Variants in TBC1D22A observed in about 807,000 individuals in gnomAD.
TBC1D22A encodes TBC1 domain family member 22A.
A neutral mutation model predicts 60.2 loss-of-function variants in TBC1D22A; 38 were observed. The ratio of observed to expected loss-of-function variants is 0.63; its 90% confidence interval spans 0.49 to 0.83. TBC1D22A has a LOEUF of 0.83. Ranked by LOEUF, TBC1D22A falls within the 40% of genes least tolerant of loss-of-function variation. The pLI, the probability that TBC1D22A is intolerant of heterozygous loss-of-function variation, is 0.00. For missense variants in TBC1D22A, 628 were observed against 701.0 expected, an observed-to-expected ratio of 0.90 and a Z score of 1.18; for synonymous variants, 302 against 281.7, an observed-to-expected ratio of 1.07 and a Z score of -0.72.
At chr22:46,921,155 A>AT (rs2070734595) in intron 8 of TBC1D22A, among the ~76,000 whole-genome samples, 1 of 152,140 alleles carries the variant, frequency 6.6e-6, no homozygotes, top group South Asian at 2.1e-4. Context: ...TGTGAGTCAC[A>AT]GGGGTTTGGT....
rs545427538 is a variant in TBC1D22A, at chr22:47,132,587, C to A, written c.1425+20984C>A. The stretch of plus-strand genomic sequence containing the variant: ...GACCCCACAGGACATGAGCTGCCTC[C>A]TTGCCTGGGTCCTGCTTCTCCCCAG... On this transcript the variant is annotated intron_variant, in intron 12 of 12. Coordinates refer to ENST00000337137, the MANE Select transcript of TBC1D22A (RefSeq NM_014346.5). 1.5e-3 allele frequency among the ~76,000 whole-genome samples: 224 copies of A among 152,346 alleles called. 1 individual carries two copies. The highest frequency in any genetic ancestry group is 5.1e-3 in the African/African-American group (212 of 41,578).
At chr22:47,029,825 C>T (rs527350221) in intron 10 of TBC1D22A, among the ~76,000 whole-genome samples, 7 of 152,386 alleles carry the variant, frequency 4.6e-5, no homozygotes, top group East Asian at 1.9e-4. Context: ...CCTTGGTGAG[C>T]GGCCACAGTG....
chr22:47,157,845 C>T (rs1218723871), intron 12 of TBC1D22A, among the ~76,000 whole-genome samples: 1 of 152,160 alleles, frequency 6.6e-6, no homozygotes, highest in Non-Finnish European at 1.5e-5. Flanking sequence ...ACAAGTCACC[C>T]ACCCCCCAAG....
rs111546411 is a variant in TBC1D22A at position 46,826,116 on chromosome 22, C to T, written c.637+28496C>T. On this transcript the variant is annotated intron_variant, in intron 4 of 12. Transcript: ENST00000337137. ...CATGATGGTCTCGATCTCCTGACCT[C>T]GTGATCCGCCCACCTTGGCCTCCCA... Among the ~76,000 whole-genome samples the T allele has an allele frequency of 1.7e-4, 26 of 152,046 alleles. 1 individual carries two copies. In the East Asian group the frequency reaches 2.7e-3, roughly 16 times the overall value.
intron 7 of TBC1D22A, among the ~76,000 whole-genome samples, chr22:46,904,127 CT>C (rs2069231624): frequency 1.0e-5 from 1 of 100,408 alleles, no homozygotes; most frequent in South Asian, 3.8e-4. Context: ...ATCTATCTAT[CT>C]ATCTATCTAT....
intron 11 of TBC1D22A, among the ~76,000 whole-genome samples, chr22:47,100,803 A>G (rs989832145): frequency 6.6e-6 from 1 of 152,176 alleles, no homozygotes; most frequent in Non-Finnish European, 1.5e-5. Flanking sequence ...AAACGGACTC[A>G]TACAAGGGGT....
Position 46,974,357 on chromosome 22 carries a change from C to T in TBC1D22A, c.1083C>T (p.Ala361=), listed in dbSNP as rs553447647. The change falls in exon 9 of 13, where the codon GCC becomes GCT. Residue 361 remains alanine (A), a synonymous_variant. Transcript: ENST00000337137. ...VPAEVLCNIE[A]DTYWCMSKLL... ...CAGAGGTGCTGTGCAACATCGAGGC[C>T]GACACCTACTGGTGCATGAGCAAGC... 77 of 1,611,246 alleles carry T rather than the reference C, an allele frequency of 4.8e-5. No individual in the cohort carries two copies. The highest frequency in any genetic ancestry group is 3.8e-4 in the East Asian group (17 of 44,786).
At chr22:46,875,674 G>A (rs1037180833) in intron 4 of TBC1D22A, among the ~76,000 whole-genome samples, 5 of 152,004 alleles carry the variant, frequency 3.3e-5, no homozygotes, top group Admixed American at 2.6e-4. Context: ...CTAGTCTTGA[G>A]CTCCTGACCT....
intron 8 of TBC1D22A, among the ~76,000 whole-genome samples, chr22:46,944,866 G>C (rs1257817660): frequency 6.6e-6 from 1 of 152,192 alleles, no homozygotes; most frequent in Non-Finnish European, 1.5e-5. Context: ...TTAAAGATGA[G>C]TGTGAAAATT....
intron 11 of TBC1D22A, among the ~76,000 whole-genome samples, chr22:47,078,091 G>T (rs2064303373): frequency 6.6e-6 from 1 of 152,154 alleles, no homozygotes; most frequent in South Asian, 2.1e-4. Flanking sequence ...CTCCATGCCA[G>T]GCCCATCCAC....
chr22:47,158,461 AG>A, intron 12 of TBC1D22A, among the ~76,000 whole-genome samples: 1 of 152,258 alleles, frequency 6.6e-6, no homozygotes, highest in South Asian at 2.1e-4. Context: ...AGTCCTGGGT[AG>A]GGGGCAGTTC....
intron 4 of TBC1D22A, among the ~76,000 whole-genome samples, chr22:46,855,641 T>C (rs2087528583): frequency 6.6e-6 from 1 of 151,924 alleles, no homozygotes; most frequent in African/African-American, 2.4e-5. Context: ...AATCCAGGAT[T>C]GATGGGGTTC....
At chr22:47,006,491 C>T (rs987282799) in intron 10 of TBC1D22A, among the ~76,000 whole-genome samples, 1 of 152,140 alleles carries the variant, frequency 6.6e-6, no homozygotes, top group Non-Finnish European at 1.5e-5. Context: ...TGGCGGTGAC[C>T]CCGGGTGGTG....
At chr22:46,982,104 A>G (rs1280092506) in intron 9 of TBC1D22A, among the ~76,000 whole-genome samples, 4 of 152,034 alleles carry the variant, frequency 2.6e-5, no homozygotes, top group Non-Finnish European at 5.9e-5. Flanking sequence ...TGAGGCTGGG[A>G]AGCTGGGTTG....
At chr22:46,840,688 G>A (rs2086716398) in intron 4 of TBC1D22A, among the ~76,000 whole-genome samples, 1 of 151,684 alleles carries the variant, frequency 6.6e-6, no homozygotes, top group African/African-American at 2.4e-5. Context: ...AGCCGAGATT[G>A]CGCCACTGTA....
chr22:47,017,517 C>A (rs76596652), intron 10 of TBC1D22A, among the ~76,000 whole-genome samples: 2,068 of 152,240 alleles, frequency 0.014, 48 homozygotes, highest in African/African-American at 0.046. Flanking sequence ...GCTCTGGGCA[C>A]ACCCAGCGGC....
Position 46,891,126 on chromosome 22 carries a change from C to T in TBC1D22A, c.709-140C>T, listed in dbSNP as rs9627604. ...TCCTCTGTGTGTGTTTCTTTTTTCC[C>T]ACAATTTGTGCTCCTCTCTGTGTCA... On this transcript the variant is annotated intron_variant, in intron 5 of 12. Coordinates refer to ENST00000337137, the MANE Select transcript of TBC1D22A (RefSeq NM_014346.5). The T allele has an allele frequency of 3.3e-3, 3,078 of 946,598 alleles. 82 individuals carry two copies. In the African/African-American group the frequency reaches 0.049, roughly 15 times the overall value. The allele number at this position is 946,598 out of a possible 1,614,324, so 58.6% of individuals were successfully genotyped here.
At chr22:47,038,338 G>A (rs1363522991) in intron 11 of TBC1D22A, among the ~76,000 whole-genome samples, 2 of 152,198 alleles carry the variant, frequency 1.3e-5, no homozygotes, top group African/African-American at 4.8e-5. Context: ...GGGGACGGAC[G>A]TTTCTGGAAA....
intron 12 of TBC1D22A, among the ~76,000 whole-genome samples, chr22:47,152,378 C>T (rs988087302): frequency 1.3e-5 from 2 of 152,206 alleles, no homozygotes; most frequent in South Asian, 2.1e-4. Context: ...GTCAGATCAG[C>T]GCAAGCTCAG....
Sources: gnomAD v4.1 joint callset for allele counts (sites outside exome capture counted in the v4.1 genomes callset) on GRCh38, gnomAD v4.1.1 for gene constraint, MANE v1.5 for transcripts, NCBI Gene and HGNC (gene_info 2026-07-23, HGNC 2026-07-21) for gene names.